The following RREB1 variants were observed in gnomAD, a reference collection of about 807,000 sequenced individuals.
The protein encoded by RREB1 is ras responsive element binding protein 1.
A neutral mutation model predicts 117.8 loss-of-function variants in RREB1; 27 were observed. That is an observed-to-expected ratio of 0.23 (90% confidence interval 0.17 to 0.32). RREB1 has a LOEUF of 0.32. Ranked by LOEUF, RREB1 falls within the 10% of genes least tolerant of loss-of-function variation. The probability of loss-of-function intolerance (pLI) is 1.00; values close to 1 mark genes in which losing one functional copy is unlikely to be tolerated. For missense variants in RREB1, 2,577 were observed against 2,378.2 expected (o/e 1.08, Z -1.74); for synonymous variants, 1,298 against 1,026.7 (o/e 1.26, Z -5.05).
At chr6:7,153,237 A>T (rs939628964) in intron 1 of RREB1, among the ~76,000 whole-genome samples, 2 of 148,054 alleles carry the variant, frequency 1.4e-5, no homozygotes, top group Non-Finnish European at 3.0e-5. Context: ...TAGAACTATT[A>T]TTTTTTTTTA....
chr6:7,206,887 T>G lies in RREB1; in HGVS notation c.426-3917T>G, dbSNP rs145375582. Among the ~76,000 whole-genome samples the G allele has an allele frequency of 2.8e-3, 433 of 152,332 alleles. 2 individuals carry two copies. Among genetic ancestry groups the G allele is most frequent in the Middle Eastern group, 0.01 (3 of 294 alleles). On this transcript the variant is annotated intron_variant, in intron 6 of 12. Transcript: ENST00000379938. The stretch of plus-strand genomic sequence containing the variant: ...TTTGAGGGACCCACAGGGGCTAGTC[T>G]GTCTGAAAGAGCTTTGGGATGGAAG...
At chr6:7,233,198 C>G (rs1244410212) in intron 10 of RREB1, among the ~76,000 whole-genome samples, 1 of 152,066 alleles carries the variant, frequency 6.6e-6, no homozygotes, top group Non-Finnish European at 1.5e-5. Flanking sequence ...ACCTGGCCTG[C>G]CCAAAAATAT....
At chr6:7,182,185 A>G (rs1163169906) in intron 4 of RREB1, 103 bp downstream of exon 4, 2 of 1,121,104 alleles carry the variant, frequency 1.8e-6, no homozygotes, top group Non-Finnish European at 2.5e-6. Context: ...AGAATTGGGA[A>G]TAAAACGGAC....
chr6:7,246,561 G>A lies in RREB1; in HGVS notation c.4111G>A (p.Ala1371Thr), dbSNP rs1396775007. The change falls in exon 12 of 13, where the codon GCG becomes ACG. Residue 1371 changes from alanine (A) to threonine (T), a missense_variant. By Grantham distance (58) the Ala-to-Thr change is moderately conservative. Transcript: ENST00000379938. ...GGATGCGCCTGTGGAGCAGGCCACG[G>A]CGGAAACGGCCTCGCCGGTGCACCG... ...AGDAPVEQAT[A>T]ETASPVHREE... is the part of the protein sequence containing the mutation. The A allele has an allele frequency of 6.5e-7, 1 of 1,548,938 alleles. No individual in the cohort carries two copies. Among genetic ancestry groups the A allele is most frequent in the Non-Finnish European group, 8.7e-7 (1 of 1,146,906 alleles).
In RREB1 at chr6:7,229,642, C is replaced by T. The variant is rs377300995; in HGVS notation, c.1543C>T (p.Pro515Ser). Reference protein sequence around the residue: ...PPLKPKPLVTPRTVVATSTPP... With the variant: ...PPLKPKPLVTSRTVVATSTPP... Reference sequence around the variant, plus strand: ...TCTGAAGCCAAAGCCCCTGGTCACACCACGGACGGTGGTGGCCACCTCCAC... The same window carrying T: ...TCTGAAGCCAAAGCCCCTGGTCACATCACGGACGGTGGTGGCCACCTCCAC... Residue 515 changes from proline to serine, a missense_variant, in exon 10 of 13, where the codon CCA (proline) becomes TCA (serine). Coordinates refer to ENST00000379938, the MANE Select transcript of RREB1 (RefSeq NM_001003699.4). The surrounding 1 kb of genome is among the most constrained non-coding windows in gnomAD (Gnocchi z 4.5). 6.8e-5 allele frequency: 110 copies of T among 1,612,804 alleles called. No individual in the cohort carries two copies. The highest frequency in any genetic ancestry group is 1.7e-4 in the Admixed American group (10 of 59,930).
chr6:7,165,829 C>T (rs531323278), intron 1 of RREB1, among the ~76,000 whole-genome samples: 2 of 152,220 alleles, frequency 1.3e-5, no homozygotes, highest in African/African-American at 2.4e-5. Flanking sequence ...GTGTCTATCT[C>T]CCCTTTTCAG....
intron 1 of RREB1, among the ~76,000 whole-genome samples, chr6:7,112,822 C>T (rs1761208668): frequency 6.6e-6 from 1 of 152,212 alleles, no homozygotes; most frequent in Non-Finnish European, 1.5e-5. Context: ...GTGCTCCGCC[C>T]AATTTCTCTT....
intron 1 of RREB1, among the ~76,000 whole-genome samples, chr6:7,132,573 C>CG (rs1762198052): frequency 6.6e-6 from 1 of 152,226 alleles, no homozygotes; most frequent in South Asian, 2.1e-4. Flanking sequence ...GGAATGAATG[C>CG]GGTAGGGGTT....
chr6:7,211,980 T>C (rs1334399774), intron 8 of RREB1: 4 of 435,574 alleles, frequency 9.2e-6, no homozygotes, highest in Non-Finnish European at 1.7e-5. Flanking sequence ...CCCTGAACAC[T>C]GGGGAGTCTG....
intron 1 of RREB1, among the ~76,000 whole-genome samples, chr6:7,140,132 C>T (rs1410505387): frequency 6.6e-6 from 1 of 152,170 alleles, no homozygotes; most frequent in Non-Finnish European, 1.5e-5. Flanking sequence ...CTTTAAATCT[C>T]TTTATGTGGG....
chr6:7,228,391 G>A (rs1034540514), intron 9 of RREB1, among the ~76,000 whole-genome samples: 1 of 151,514 alleles, frequency 6.6e-6, no homozygotes, highest in Non-Finnish European at 1.5e-5. Flanking sequence ...TCTCTAGTGA[G>A]ATACCCTGTG....
chr6:7,120,188 T>C lies in RREB1; in HGVS notation c.-285+12128T>C, dbSNP rs538721686. 2.6e-5 allele frequency among the ~76,000 whole-genome samples: 4 copies of C among 151,830 alleles called. 1 individual carries two copies. In the South Asian group the frequency reaches 8.4e-4, roughly 32 times the overall value. On this transcript the variant is annotated intron_variant, in intron 1 of 12. Transcript: ENST00000379938. ...TACCTAGGCCGGGCGTGGTGGCTCATGCCTCTCATCCCAGCAGTTTGGGAG... is the reference window on the plus strand; with the variant it reads ...TACCTAGGCCGGGCGTGGTGGCTCACGCCTCTCATCCCAGCAGTTTGGGAG...
chr6:7,226,795 T>G, intron 9 of RREB1, 139 bp downstream of exon 9: 1 of 694,990 alleles, frequency 1.4e-6, no homozygotes, highest in South Asian at 1.9e-5. Flanking sequence ...ACACCTTTTT[T>G]CTTAAAATTA....
At chr6:7,109,113 C>T (rs1761002813) in intron 1 of RREB1, among the ~76,000 whole-genome samples, 1 of 151,834 alleles carries the variant, frequency 6.6e-6, no homozygotes, top group Non-Finnish European at 1.5e-5. Context: ...GCCCGCTCCG[C>T]CGCCCAGCTG....
intron 1 of RREB1, among the ~76,000 whole-genome samples, chr6:7,109,573 C>T (rs1761035332): frequency 6.6e-6 from 1 of 152,202 alleles, no homozygotes; most frequent in African/African-American, 2.4e-5. Flanking sequence ...GCCCGGGCCG[C>T]TTGACAGGCG....
At chr6:7,177,009 G>T (rs1161330547) in intron 2 of RREB1, among the ~76,000 whole-genome samples, 3 of 151,890 alleles carry the variant, frequency 2.0e-5, no homozygotes, top group Admixed American at 6.6e-5. Flanking sequence ...TTGAGGCCAG[G>T]CATTCAAGAC....
intron 8 of RREB1, among the ~76,000 whole-genome samples, chr6:7,224,089 T>C (rs1301476711): frequency 3.3e-5 from 5 of 152,138 alleles, no homozygotes; most frequent in African/African-American, 1.2e-4. Flanking sequence ...CTGTGCACAG[T>C]TGAATGCCAT....
intron 1 of RREB1, among the ~76,000 whole-genome samples, chr6:7,120,861 C>T (rs1052382211): frequency 6.8e-6 from 1 of 147,910 alleles, no homozygotes; most frequent in South Asian, 2.2e-4. Context: ...GTTCTGTCAC[C>T]CAGGCTGGAG....
intron 4 of RREB1, among the ~76,000 whole-genome samples, 157 bp from the exon 5 acceptor site, chr6:7,187,277 C>T (rs1383510216): frequency 6.6e-6 from 1 of 152,170 alleles, no homozygotes; most frequent in African/African-American, 2.4e-5. Context: ...CTGAGGCAGA[C>T]AGGGCCGTGA....
Sources: allele counts gnomAD v4.1 joint callset (sites outside exome capture counted in the v4.1 genomes callset), GRCh38; gene constraint gnomAD v4.1.1; non-coding constraint Gnocchi (gnomAD v3.1); transcripts MANE v1.5; gene names NCBI Gene and HGNC (gene_info 2026-07-23, HGNC 2026-07-21).